SLC26A9: variants seen among roughly 807,000 people sequenced by gnomAD.
SLC26A9 encodes the protein solute carrier family 26 member 9.
In SLC26A9, 46 loss-of-function variants were observed where a neutral mutation model predicts 87.1. That is an observed-to-expected ratio of 0.53 (90% CI 0.42 to 0.67). The LOEUF (loss-of-function observed/expected upper bound fraction) is 0.67. Among genes scored for constraint, SLC26A9 ranks in the 30% least tolerant of loss-of-function variants. The probability of loss-of-function intolerance (pLI) is 0.00; values close to 1 mark genes in which losing one functional copy is unlikely to be tolerated. For missense variants in SLC26A9, 927 were observed against 1,018.3 expected (o/e 0.91, Z 1.22); for synonymous variants, 437 against 409.1 (o/e 1.07, Z -0.82).
At chr1:205,919,006 C>T in intron 18 of SLC26A9, 21 bp from the exon 19 acceptor site, 1 of 1,612,588 alleles carries the variant, frequency 6.2e-7, no homozygotes, top group Non-Finnish European at 8.5e-7. Flanking sequence ...AAAAGATCAC[C>T]TTCAGAAAGA....
intron 13 of SLC26A9, 92 bp from the exon 14 acceptor site, chr1:205,923,705 G>A (rs1051406802): frequency 6.8e-5 from 93 of 1,377,126 alleles, no homozygotes; most frequent in Non-Finnish European, 8.2e-5. Flanking sequence ...CAGAGCCAAG[G>A]TAGGATGGGG....
chr1:205,929,317 T>C lies in SLC26A9; in HGVS notation c.757A>G (p.Ile253Val). ...ATGAGAGCGAAGATGAGCGAGGCGA[T>C]GTTGGTGTGGGGGAGGTTTTTGCAA... The part of the protein sequence containing the change: ...DICKNLPHTN[I>V]ASLIFALISG... The change falls in exon 7 of 21, where the codon ATC becomes GTC. Residue 253 changes from isoleucine (I) to valine (V), a missense_variant. By Grantham distance (29) the Ile-to-Val change is conservative. Transcript: ENST00000367135. 6.2e-7 allele frequency: 1 copy of C among 1,614,206 alleles called. No individual in the cohort carries two copies. Among genetic ancestry groups the C allele is most frequent in the Non-Finnish European group, 8.5e-7 (1 of 1,180,034 alleles).
intron 19 of SLC26A9, among the ~76,000 whole-genome samples, 158 bp downstream of exon 19, chr1:205,918,682 G>T (rs1366317972): frequency 2.0e-5 from 3 of 152,234 alleles, no homozygotes; most frequent in African/African-American, 7.2e-5. Context: ...TTAGTTGATG[G>T]TGCTCATTCT....
chr1:205,926,400 T>G (rs930969913), intron 12 of SLC26A9, 135 bp downstream of exon 12: 16 of 748,654 alleles, frequency 2.1e-5, no homozygotes, highest in African/African-American at 3.5e-5. Context: ...AAACTCGGAC[T>G]TTTAACCACT....
At position 205,928,966 on chromosome 1, in the gene SLC26A9, G is replaced by A. The variant is rs528736255; in HGVS notation, c.871-57C>T. 89 of 1,594,178 alleles carry A rather than the reference G, an allele frequency of 5.6e-5. 1 individual carries two copies. Among genetic ancestry groups the A allele is most frequent in the South Asian group, 3.8e-4 (34 of 90,634 alleles). ...GCCCTAAGGTGGGGCCAGGGCAGGC[G>A]TCTCTCTCAAGTCTCCCTTTTCTCT... On this transcript the variant is annotated intron_variant, in intron 7 of 20. Transcript: ENST00000367135.
intron 1 of SLC26A9, among the ~76,000 whole-genome samples, chr1:205,941,313 T>A (rs1659734933): frequency 6.6e-6 from 1 of 152,060 alleles, no homozygotes; most frequent in Admixed American, 6.5e-5. Context: ...GGATTACTGG[T>A]GCGCGCCATG....
At chr1:205,937,406 AT>A (rs1486283904) in intron 1 of SLC26A9, among the ~76,000 whole-genome samples, 1 of 152,216 alleles carries the variant, frequency 6.6e-6, no homozygotes, top group Non-Finnish European at 1.5e-5. Flanking sequence ...CATGTGAGAC[AT>A]TTCAGTGGGA....
rs144325160 is a variant in SLC26A9 at position 205,929,860 on chromosome 1, C to A, written c.717+32G>T. 2.6e-6 allele frequency: 4 copies of A among 1,562,402 alleles called. No homozygotes were observed. The African/African-American group carries it at 4.1e-5, about 16-fold the overall frequency. On this transcript the variant is annotated intron_variant, in intron 6 of 20. Coordinates refer to ENST00000367135, the MANE Select transcript of SLC26A9 (RefSeq NM_052934.4). ...TCCTCATGTGTCTGCTGGAGCCTTGCTCCAATGGCAGGGGTGCATCCCCAG... is the reference window on the plus strand; with the variant it reads ...TCCTCATGTGTCTGCTGGAGCCTTGATCCAATGGCAGGGGTGCATCCCCAG...
Position 205,915,374 on chromosome 1 carries a change from T to G in SLC26A9, c.2359A>C (p.Thr787Pro). Residue 787 changes from threonine (T) to proline (P), a missense_variant, in exon 21 of 21, where the codon ACC becomes CCC. Coordinates refer to ENST00000367135, the MANE Select transcript of SLC26A9 (RefSeq NM_052934.4). ...EMFGSMFHAE[T>P]LTAL ...CTGAGCCCTCACAGGGCGGTCAGGG[T>G]CTCTGCGTGAAACATGCTCCCGAAC... 6.2e-7 allele frequency: 1 copy of G among 1,613,914 alleles called. No individual in the cohort carries two copies. Among genetic ancestry groups the G allele is most frequent in the South Asian group, 1.1e-5 (1 of 91,068 alleles).
Position 205,932,747 on chromosome 1 carries a change from G to C in SLC26A9, c.331C>G (p.Leu111Val), listed in dbSNP as rs1287905696. ...VNGLYSSFFP[L>V]LTYFFLGGVH... Reference sequence around the variant, plus strand: ...CCCCCCAGGAAGAAGTAGGTCAGGAGGGGGAAGAAGGAGGAGTAGAGGCCA... The same window carrying C: ...CCCCCCAGGAAGAAGTAGGTCAGGACGGGGAAGAAGGAGGAGTAGAGGCCA... The change falls in exon 4 of 21, where the codon CTC becomes GTC. Residue 111 changes from leucine to valine, a missense_variant. Leu to Val is a conservative substitution (Grantham distance 32). Coordinates refer to ENST00000367135, the MANE Select transcript of SLC26A9 (RefSeq NM_052934.4). The C allele has an allele frequency of 1.3e-6, 2 of 1,597,832 alleles. No individual in the cohort carries two copies. The highest frequency in any genetic ancestry group is 1.7e-5 in the Admixed American group (1 of 58,400).
intron 2 of SLC26A9, among the ~76,000 whole-genome samples, chr1:205,934,903 C>G (rs569162707): frequency 6.6e-6 from 1 of 152,194 alleles, no homozygotes; most frequent in Non-Finnish European, 1.5e-5. Context: ...CCGGCCTGAA[C>G]CAGTTCCACC....
chr1:205,933,124 G>T (rs773879044), intron 2 of SLC26A9, 40 bp from the exon 3 acceptor site: 10 of 1,612,982 alleles, frequency 6.2e-6, no homozygotes, highest in Non-Finnish European at 8.5e-6. Flanking sequence ...GGCTCTGCAT[G>T]GCTTGGACAT....
At chr1:205,923,028 G>T in intron 16 of SLC26A9, 54 bp downstream of exon 16, 2 of 1,534,982 alleles carry the variant, frequency 1.3e-6, no homozygotes, top group Admixed American at 1.7e-5. Context: ...ACAGGGGGCA[G>T]TATCAGAATG....
In SLC26A9 at chr1:205,921,838, G is replaced by A; in HGVS notation, c.1783C>T (p.Leu595=). 1 of 1,605,916 alleles carries A rather than the reference G, an allele frequency of 6.2e-7. No homozygotes were observed. The highest frequency in any genetic ancestry group is 8.5e-7 in the Non-Finnish European group (1 of 1,177,524). The change falls in exon 17 of 21, where the codon CTG becomes TTG. Residue 595 remains leucine (L), a synonymous_variant. Transcript: ENST00000367135. ...TCAAAGTCCTGCTGCAGCTCCTGCA[G>A]GGAGACAGTCTGGAAGGGTGGGGAC... is the stretch of plus-strand genomic sequence containing the variant. The part of the protein sequence containing the change: ...SLFMKTKTVS[L]QELQQDFENA...
intron 5 of SLC26A9, among the ~76,000 whole-genome samples, chr1:205,931,076 T>C (rs1452665794): frequency 1.3e-5 from 2 of 152,232 alleles, no homozygotes; most frequent in African/African-American, 4.8e-5. Context: ...AAAGGCGCTC[T>C]CTGGGACTGC....
rs762305772 is a variant in SLC26A9, at chr1:205,923,455, G to T, written c.1567-28C>A. ...GTGACAGGGAGACTGAGCTCAAGTT[G>T]CAGAAATGTCTTTATTGGCTTTAAA... On this transcript the variant is annotated intron_variant, in intron 14 of 20. Coordinates refer to ENST00000367135, the MANE Select transcript of SLC26A9 (RefSeq NM_052934.4). The T allele has an allele frequency of 1.7e-5, 28 of 1,613,800 alleles. No homozygotes were observed. The Admixed American group carries it at 4.0e-4, about 23-fold the overall frequency.
intron 2 of SLC26A9, among the ~76,000 whole-genome samples, chr1:205,933,472 C>T (rs552903992): frequency 1.6e-4 from 25 of 152,290 alleles, no homozygotes; most frequent in African/African-American, 4.1e-4. Context: ...TGGCTCCTGC[C>T]GCTGTGTGTG....
intron 9 of SLC26A9, 131 bp downstream of exon 9, chr1:205,927,771 A>AG: frequency 6.8e-7 from 1 of 1,479,030 alleles, no homozygotes; most frequent in Non-Finnish European, 9.2e-7. Flanking sequence ...TTAGGGTCAG[A>AG]GGACCCCCTA....
rs1173482998 is a variant in SLC26A9 at position 205,923,125 on chromosome 1, A to T, written c.1730T>A (p.Met577Lys). 1.9e-6 allele frequency: 3 copies of T among 1,614,070 alleles called. No homozygotes were observed. Among genetic ancestry groups the T allele is most frequent in the Non-Finnish European group, 2.5e-6 (3 of 1,180,024 alleles). ...KYLKKQEKRR[M>K]RPTQQRRSLF... ...AGACCTCCTCTGTTGTGTGGGCCTCATTCTCCGCTTCTCCTGCTTCTTGAG... is the reference window on the plus strand; with the variant it reads ...AGACCTCCTCTGTTGTGTGGGCCTCTTTCTCCGCTTCTCCTGCTTCTTGAG... The change falls in exon 16 of 21, where the codon ATG becomes AAG. Residue 577 changes from methionine (M) to lysine (K), a missense_variant. By Grantham distance (95) the Met-to-Lys change is moderately conservative. Coordinates refer to ENST00000367135, the MANE Select transcript of SLC26A9 (RefSeq NM_052934.4).
Sources: gnomAD v4.1 joint callset for allele counts (sites outside exome capture counted in the v4.1 genomes callset) on GRCh38, gnomAD v4.1.1 for gene constraint, MANE v1.5 for transcripts, NCBI Gene and HGNC (gene_info 2026-07-23, HGNC 2026-07-21) for gene names.